GARRE1: variants seen among roughly 807,000 people sequenced by gnomAD.
GARRE1 encodes granule associated Rac and RHOG effector 1, also known as granule associated Rac and RHOG effector protein 1.
GARRE1 carries 49 observed loss-of-function variants against 103.2 expected under a neutral mutation model. That is an observed-to-expected ratio of 0.47 (90% confidence interval 0.38 to 0.60). GARRE1 has a LOEUF of 0.60. Ranked by LOEUF, GARRE1 falls within the 20% of genes least tolerant of loss-of-function variation. GARRE1 has a pLI of 0.00. For missense variants in GARRE1, 1,199 were observed against 1,370.5 expected (o/e 0.87, Z 1.98); for synonymous variants, 505 against 532.8 (o/e 0.95, Z 0.72).
At chr19:34,328,358 T>G (rs897180162) in intron 6 of GARRE1, among the ~76,000 whole-genome samples, 1 of 151,804 alleles carries the variant, frequency 6.6e-6, no homozygotes, top group African/African-American at 2.4e-5. Flanking sequence ...GGTGAAACCC[T>G]GTTTCTGCTA....
In GARRE1 at chr19:34,328,097, C is replaced by G. The variant is rs1393171310; in HGVS notation, c.1050C>G (p.Phe350Leu). 6.2e-7 allele frequency: 1 copy of G among 1,614,112 alleles called. No homozygotes were observed. The highest frequency in any genetic ancestry group is 1.7e-5 in the Admixed American group (1 of 60,016). ...TCCCTGTGCAGATAGGATCGCACTTCCTGAAGGGCGTCTCCTTTAATGAGT... is the reference window on the plus strand; with the variant it reads ...TCCCTGTGCAGATAGGATCGCACTTGCTGAAGGGCGTCTCCTTTAATGAGT... Reference protein sequence around the residue: ...PTVPVQIGSHFLKGVSFNESA... With the variant: ...PTVPVQIGSHLLKGVSFNESA... The change falls in exon 6 of 14, where the codon TTC becomes TTG. Residue 350 changes from phenylalanine to leucine, a missense_variant. Phe to Leu is a conservative substitution (Grantham distance 22). Coordinates refer to ENST00000299505, the MANE Select transcript of GARRE1 (RefSeq NM_014686.5).
intron 1 of GARRE1, among the ~76,000 whole-genome samples, chr19:34,279,124 C>G (rs1191215895): frequency 6.6e-6 from 1 of 152,184 alleles, no homozygotes; most frequent in Non-Finnish European, 1.5e-5. Context: ...TGCTCACGTC[C>G]TTGCTTTCAG....
chr19:34,343,011 A>C (rs1211852000), intron 10 of GARRE1, among the ~76,000 whole-genome samples: 3 of 152,186 alleles, frequency 2.0e-5, no homozygotes, highest in Admixed American at 6.5e-5. Context: ...TTAAGGGGGA[A>C]AAGCCAAAAA....
intron 2 of GARRE1, among the ~76,000 whole-genome samples, chr19:34,304,777 A>G (rs1231720677): frequency 6.6e-6 from 1 of 150,774 alleles, no homozygotes; most frequent in Non-Finnish European, 1.5e-5. Context: ...TTTTATTTTT[A>G]TTTTTATTTT....
intron 10 of GARRE1, among the ~76,000 whole-genome samples, chr19:34,342,937 C>T (rs1031877555): frequency 6.6e-6 from 1 of 151,966 alleles, no homozygotes; most frequent in African/African-American, 2.4e-5. Context: ...ATGAAAATAC[C>T]ACCAGAGTCA....
At chr19:34,286,545 T>C (rs563633589) in intron 1 of GARRE1, among the ~76,000 whole-genome samples, 1 of 148,826 alleles carries the variant, frequency 6.7e-6, no homozygotes, top group African/African-American at 2.5e-5. Flanking sequence ...TTTTTTTTTT[T>C]TTTGAGACGG....
At chr19:34,318,763 C>T (rs566924391) in intron 2 of GARRE1, among the ~76,000 whole-genome samples, 13 of 152,138 alleles carry the variant, frequency 8.5e-5, no homozygotes, top group African/African-American at 2.9e-4. Context: ...GAAATAAGGC[C>T]GGGCATGGGA....
chr19:34,293,520 C>T (rs1216277165), intron 1 of GARRE1, among the ~76,000 whole-genome samples: 2 of 151,438 alleles, frequency 1.3e-5, no homozygotes, highest in African/African-American at 2.4e-5. Context: ...CTTAGCCTCC[C>T]GAGTAGCTGG....
In GARRE1 at chr19:34,300,433, C is replaced by A; in HGVS notation, c.-41C>A. 1 of 1,514,148 alleles carries A rather than the reference C, an allele frequency of 6.6e-7. No individual in the cohort carries two copies. Among genetic ancestry groups the A allele is most frequent in the Non-Finnish European group, 8.9e-7 (1 of 1,129,758 alleles). The allele number at this position is 1,514,148 out of a possible 1,614,324, so 93.8% of individuals were successfully genotyped here. On this transcript the variant is annotated 5_prime_UTR_variant, in exon 2 of 14. Coordinates refer to ENST00000299505, the MANE Select transcript of GARRE1 (RefSeq NM_014686.5). ...AGTTTTGAGAAAGAAGAATCAGAACCCTGACCCACTTACGGTTGCTGGGAC... is the reference window on the plus strand; with the variant it reads ...AGTTTTGAGAAAGAAGAATCAGAACACTGACCCACTTACGGTTGCTGGGAC...
chr19:34,255,080 CCGGGGCTGCCGGG>C (rs1470919627), intron 1 of GARRE1, among the ~76,000 whole-genome samples: 2 of 152,010 alleles, frequency 1.3e-5, no homozygotes, highest in Non-Finnish European at 2.9e-5. Flanking sequence ...TCACGCCATC[CCGGGGCTGCCGGG>C]CGGGCTGCGC....
chr19:34,261,289 A>T (rs2073716827), intron 1 of GARRE1, among the ~76,000 whole-genome samples: 1 of 151,994 alleles, frequency 6.6e-6, no homozygotes, highest in African/African-American at 2.4e-5. Context: ...CCTTTCTCTT[A>T]GTGTTGCAGT....
At chr19:34,271,669 G>A (rs2095461604) in intron 1 of GARRE1, among the ~76,000 whole-genome samples, 1 of 152,062 alleles carries the variant, frequency 6.6e-6, no homozygotes, top group Admixed American at 6.5e-5. Flanking sequence ...AGACCAGCCT[G>A]GGCAATGTAG....
At chr19:34,333,240 C>T (rs1282275254) in intron 7 of GARRE1, among the ~76,000 whole-genome samples, 6 of 148,432 alleles carry the variant, frequency 4.0e-5, no homozygotes, top group African/African-American at 7.5e-5. Flanking sequence ...CGGGGTTTCA[C>T]CATGTTGGCC....
intron 10 of GARRE1, among the ~76,000 whole-genome samples, chr19:34,344,590 CAAAAA>C (rs556583085): frequency 2.7e-5 from 2 of 75,232 alleles, no homozygotes; most frequent in African/African-American, 4.6e-5. Flanking sequence ...GACTCCGTCT[CAAAAA>C]AAAAAAAAAA....
intron 1 of GARRE1, among the ~76,000 whole-genome samples, chr19:34,255,398 C>T (rs1299453410): frequency 1.3e-5 from 2 of 152,188 alleles, no homozygotes; most frequent in Non-Finnish European, 2.9e-5. Flanking sequence ...TTGTTCTGGT[C>T]CCTCATCCCC....
chr19:34,345,311 C>A (rs2074206001), intron 10 of GARRE1, among the ~76,000 whole-genome samples: 2 of 152,172 alleles, frequency 1.3e-5, no homozygotes, highest in South Asian at 4.1e-4. Context: ...TGTGCTTGCT[C>A]CCCTTGGGTG....
At chr19:34,267,085 GA>G (rs1157360441) in intron 1 of GARRE1, among the ~76,000 whole-genome samples, 1 of 152,104 alleles carries the variant, frequency 6.6e-6, no homozygotes, top group East Asian at 1.9e-4. Context: ...ACATCACAGC[GA>G]AACCCCATCT....
chr19:34,314,479 A>T (rs1451543373), intron 2 of GARRE1, among the ~76,000 whole-genome samples: 1 of 152,174 alleles, frequency 6.6e-6, no homozygotes. Context: ...TGATTTATTG[A>T]TGGTGAGTAT....
At chr19:34,289,729 A>AT (rs1299197326) in intron 1 of GARRE1, among the ~76,000 whole-genome samples, 1 of 151,904 alleles carries the variant, frequency 6.6e-6, no homozygotes, top group Non-Finnish European at 1.5e-5. Context: ...TCTCAAAAAA[A>AT]AAAATAAAAA....
Sources: gnomAD v4.1 joint callset for allele counts (sites outside exome capture counted in the v4.1 genomes callset) on GRCh38, gnomAD v4.1.1 for gene constraint, MANE v1.5 for transcripts, NCBI Gene and HGNC (gene_info 2026-07-23, HGNC 2026-07-21) for gene names.